Variants in UBR2 observed in about 807,000 individuals in gnomAD.
UBR2 encodes E3 ubiquitin-protein ligase UBR2.
Under a neutral mutation model 247.9 loss-of-function variants are expected in UBR2, and 92 were observed. The observed-to-expected ratio is 0.37, with a 90% confidence interval of 0.31 to 0.44. The LOEUF is 0.44. Ranked by LOEUF, UBR2 falls within the 20% of genes least tolerant of loss-of-function variation. UBR2 has a pLI of 1.00. For synonymous variants in UBR2, 672 were observed against 693.5 expected, an observed-to-expected ratio of 0.97 and a Z score of 0.49; for missense variants, 1,613 against 2,112.6, an observed-to-expected ratio of 0.76 and a Z score of 4.64.
At chr6:42,571,736 C>CA (rs55993422) in intron 1 of UBR2, among the ~76,000 whole-genome samples, 874 of 82,078 alleles carry the variant, frequency 0.011, 19 homozygotes, top group African/African-American at 0.028. Flanking sequence ...GCACGAGACT[C>CA]AAAAAAAAAA....
chr6:42,634,186 C>G (rs1256453391), intron 13 of UBR2: 1 of 230,296 alleles, frequency 4.3e-6, no homozygotes, highest in African/African-American at 2.4e-5. Context: ...TTTTTCTCTC[C>G]TTCATGTGGT....
intron 16 of UBR2, among the ~76,000 whole-genome samples, 158 bp downstream of exon 16, chr6:42,640,428 GTGTGTGTA>G (rs1231929354): frequency 1.1e-5 from 1 of 89,808 alleles, no homozygotes; most frequent in African/African-American, 4.1e-5. Flanking sequence ...GTGTGTGTGT[GTGTGTGTA>G]TAGATACATA....
intron 11 of UBR2, among the ~76,000 whole-genome samples, chr6:42,630,032 A>C (rs1486473910): frequency 2.6e-5 from 4 of 152,008 alleles, no homozygotes; most frequent in African/African-American, 9.7e-5. Flanking sequence ...AAGTAGCTGG[A>C]ACTATAGACA....
At position 42,691,589 on chromosome 6, in the gene UBR2, C is replaced by T. The variant is rs1367008603; in HGVS notation, c.*416C>T. 1 of 244,974 alleles carries T rather than the reference C, an allele frequency of 4.1e-6. No homozygotes were observed. The highest frequency in any genetic ancestry group is 2.4e-5 in the African/African-American group (1 of 42,370). The allele number at this position is 244,974 out of a possible 1,614,324, so 15.2% of individuals were successfully genotyped here. The stretch of plus-strand genomic sequence containing the variant: ...ATACTTCCTGGTTCCACTGAGTGGC[C>T]CAACACTGGGACTGGGTTGGTGTCC... On this transcript the variant is annotated 3_prime_UTR_variant, in exon 47 of 47. Coordinates refer to ENST00000372901, the MANE Select transcript of UBR2 (RefSeq NM_001363705.2).
chr6:42,588,832 C>T (rs1161012779), intron 2 of UBR2, among the ~76,000 whole-genome samples: 2 of 152,184 alleles, frequency 1.3e-5, no homozygotes, highest in Non-Finnish European at 1.5e-5. Flanking sequence ...AGGGGCTCTA[C>T]ACTAAGTCAC....
At chr6:42,585,726 A>G (rs547005630) in intron 2 of UBR2, among the ~76,000 whole-genome samples, 2 of 152,156 alleles carry the variant, frequency 1.3e-5, no homozygotes, top group South Asian at 2.1e-4. Flanking sequence ...AATTGTGCCT[A>G]TTTCCTTTTG....
intron 16 of UBR2, 66 bp downstream of exon 16, chr6:42,640,336 T>C: frequency 6.9e-7 from 1 of 1,442,282 alleles, no homozygotes; most frequent in South Asian, 1.2e-5. Flanking sequence ...GGAATCACTT[T>C]GAAACACATT....
chr6:42,628,624 G>A (rs1388803926), intron 11 of UBR2, among the ~76,000 whole-genome samples: 3 of 151,506 alleles, frequency 2.0e-5, no homozygotes, highest in African/African-American at 7.3e-5. Context: ...TCAGGTGGCT[G>A]AGAGAGGAGA....
intron 13 of UBR2, 52 bp downstream of exon 13, chr6:42,632,956 C>CTTTTTTTT: frequency 1.1e-6 from 1 of 929,524 alleles, no homozygotes; most frequent in Non-Finnish European, 1.4e-6. Flanking sequence ...TTTCTCTTTT[C>CTTTTTTTT]TCTTTTTTTT....
intron 8 of UBR2, among the ~76,000 whole-genome samples, chr6:42,614,737 G>A (rs1442489327): frequency 6.6e-6 from 1 of 151,888 alleles, no homozygotes; most frequent in Non-Finnish European, 1.5e-5. Flanking sequence ...ACTGTAATCT[G>A]GTTTAATTAG....
chr6:42,678,481 A>AT, intron 40 of UBR2, 58 bp from the exon 41 acceptor site: 1 of 1,563,838 alleles, frequency 6.4e-7, no homozygotes, highest in East Asian at 2.2e-5. Flanking sequence ...TTTTCACACT[A>AT]TAAGTACAGT....
At chr6:42,606,718 T>C in intron 7 of UBR2, 67 bp downstream of exon 7, 1 of 1,325,620 alleles carries the variant, frequency 7.5e-7, no homozygotes, top group Non-Finnish European at 1.0e-6. Context: ...TATTTCAGCA[T>C]TTATGAACAT....
Position 42,624,166 on chromosome 6 carries a change from A to G in UBR2, c.1281+6659A>G, listed in dbSNP as rs117131587. Among the ~76,000 whole-genome samples, 67 of 152,064 alleles carry G rather than the reference A, an allele frequency of 4.4e-4. 2 individuals carry two copies. In the East Asian group the frequency reaches 0.01, roughly 23 times the overall value. ...TTGTTTTGTTTGTTTTTTGAGACCA[A>G]TTCTCACTCTAGCACCCAGGCCAGA... On this transcript the variant is annotated intron_variant, in intron 11 of 46. Coordinates refer to ENST00000372901, the MANE Select transcript of UBR2 (RefSeq NM_001363705.2).
At chr6:42,622,707 T>G (rs1489393381) in intron 11 of UBR2, among the ~76,000 whole-genome samples, 1 of 152,186 alleles carries the variant, frequency 6.6e-6, no homozygotes, top group Admixed American at 6.5e-5. Flanking sequence ...CCTGGCCTGT[T>G]TTTGGCTTTT....
intron 26 of UBR2, 83 bp from the exon 27 acceptor site, chr6:42,657,941 A>G (rs1373962028): frequency 2.0e-6 from 2 of 1,005,026 alleles, no homozygotes; most frequent in Non-Finnish European, 1.5e-6. Context: ...GTTATAAGCA[A>G]CTGCATTTAT....
chr6:42,662,668 G>C (rs1189451159), intron 31 of UBR2, among the ~76,000 whole-genome samples: 1 of 152,100 alleles, frequency 6.6e-6, no homozygotes, highest in Non-Finnish European at 1.5e-5. Flanking sequence ...AATTGTAATG[G>C]CTCCCTGTGA....
chr6:42,629,865 A>G (rs555583335), intron 11 of UBR2, among the ~76,000 whole-genome samples: 1 of 152,016 alleles, frequency 6.6e-6, no homozygotes, highest in Admixed American at 6.6e-5. Context: ...TTCTTTTGTT[A>G]TCTTTTAGAA....
chr6:42,633,071 C>A (rs1322601536), intron 13 of UBR2, among the ~76,000 whole-genome samples, 167 bp downstream of exon 13: 3 of 149,516 alleles, frequency 2.0e-5, no homozygotes, highest in Non-Finnish European at 4.4e-5. Flanking sequence ...GTGTACTATA[C>A]CTTTGAACTC....
chr6:42,675,676 G>A (rs777728254), intron 38 of UBR2, among the ~76,000 whole-genome samples: 3 of 152,112 alleles, frequency 2.0e-5, no homozygotes, highest in Non-Finnish European at 4.4e-5. Flanking sequence ...AAATGGAAAT[G>A]TGACCAGGCG....
Sources: allele counts gnomAD v4.1 joint callset (sites outside exome capture counted in the v4.1 genomes callset), GRCh38; gene constraint gnomAD v4.1.1; transcripts MANE v1.5; gene names NCBI Gene and HGNC (gene_info 2026-07-23, HGNC 2026-07-21).